The following DNAJC13 variants were observed in gnomAD, a reference collection of about 807,000 sequenced individuals.
The protein encoded by DNAJC13 is DnaJ heat shock protein family (Hsp40) member C13, also known as dnaJ homolog subfamily C member 13.
In DNAJC13, 75 loss-of-function variants were observed where a neutral mutation model predicts 290.5. The observed-to-expected ratio is 0.26, with a 90% CI of 0.21 to 0.31. The LOEUF (loss-of-function observed/expected upper bound fraction) is 0.31. Among genes scored for constraint, DNAJC13 ranks in the 10% least tolerant of loss-of-function variants. The pLI is 1.00. For synonymous variants in DNAJC13, 862 were observed against 892.0 expected (o/e 0.97, Z 0.60); for missense variants, 2,260 against 2,674.5 (o/e 0.85, Z 3.42).
chr3:132,538,971 ATCAT>A lies in DNAJC13; in HGVS notation c.*694_*697del, dbSNP rs1438312616. 4 of 152,784 alleles carry A rather than the reference ATCAT, an allele frequency of 2.6e-5. No individual in the cohort carries two copies. The highest frequency in any genetic ancestry group is 4.8e-5 in the African/African-American group (2 of 41,596). The allele number at this position is 152,784 out of a possible 1,614,324, so 9.5% of individuals were successfully genotyped here. ...TCTATATTGAATGTACATTATACAG[ATCAT>A]TCATATGTGTACATAAAATTTTAAA... On this transcript the variant is annotated 3_prime_UTR_variant, in exon 56 of 56. Transcript: ENST00000260818.
intron 1 of DNAJC13, among the ~76,000 whole-genome samples, chr3:132,430,849 G>A (rs747710659): frequency 3.3e-5 from 5 of 152,284 alleles, no homozygotes; most frequent in Non-Finnish European, 2.9e-5. Context: ...TCTTAGTTGG[G>A]TGCTTTGGTC....
At chr3:132,512,108 G>A (rs78677447) in intron 44 of DNAJC13, among the ~76,000 whole-genome samples, 1,688 of 152,218 alleles carry the variant, frequency 0.011, 31 homozygotes, top group Admixed American at 0.037. Context: ...TCAAAGTGTC[G>A]AATATTACTA....
chr3:132,463,852 T>C, intron 17 of DNAJC13, 35 bp downstream of exon 17: 1 of 1,595,362 alleles, frequency 6.3e-7, no homozygotes. Flanking sequence ...GCAATTTAAC[T>C]TCCTGTCTAG....
At chr3:132,483,645 T>C in intron 28 of DNAJC13, 68 bp downstream of exon 28, 1 of 1,492,872 alleles carries the variant, frequency 6.7e-7, no homozygotes, top group Non-Finnish European at 9.3e-7. Context: ...AGAATCGGTC[T>C]GGTGTTTTAA....
intron 41 of DNAJC13, 90 bp from the exon 42 acceptor site, chr3:132,505,212 G>A: frequency 1.3e-6 from 1 of 748,930 alleles, no homozygotes; most frequent in Non-Finnish European, 2.3e-6. Flanking sequence ...AACTATTATA[G>A]TGTTTGGCCT....
chr3:132,522,533 T>A (rs1936122016), intron 48 of DNAJC13, among the ~76,000 whole-genome samples: 1 of 152,144 alleles, frequency 6.6e-6, no homozygotes, highest in Non-Finnish European at 1.5e-5. Context: ...AACTTTACCA[T>A]ACTAGTGATA....
intron 20 of DNAJC13, 127 bp from the exon 21 acceptor site, chr3:132,473,018 G>C (rs370792752): frequency 6.2e-6 from 4 of 641,222 alleles, no homozygotes; most frequent in East Asian, 6.0e-5. Flanking sequence ...TATTTATTCC[G>C]TTAATTTTTG....
At chr3:132,431,674 A>G (rs911508005) in intron 1 of DNAJC13, among the ~76,000 whole-genome samples, 1 of 152,228 alleles carries the variant, frequency 6.6e-6, no homozygotes, top group Non-Finnish European at 1.5e-5. Flanking sequence ...ATGTTCACAC[A>G]AAAACTCATA....
At chr3:132,477,173 A>C (rs1226695802) in intron 22 of DNAJC13, among the ~76,000 whole-genome samples, 1 of 152,228 alleles carries the variant, frequency 6.6e-6, no homozygotes, top group Non-Finnish European at 1.5e-5. Flanking sequence ...ATTTTTAGAA[A>C]TCTATTATTT....
At chr3:132,479,142 C>A (rs1174640408) in intron 24 of DNAJC13, 85 bp from the exon 25 acceptor site, 3 of 719,814 alleles carry the variant, frequency 4.2e-6, no homozygotes, top group Admixed American at 4.8e-5. Flanking sequence ...TTCTTATGGG[C>A]TGTTGGTTTA....
chr3:132,529,811 TAAAG>T (rs970439357), intron 54 of DNAJC13, among the ~76,000 whole-genome samples: 8 of 151,512 alleles, frequency 5.3e-5, no homozygotes, highest in African/African-American at 1.9e-4. Flanking sequence ...AAAGAGATAT[TAAAG>T]AAGAGAGGCA....
chr3:132,514,921 T>TACGGTGACCACC, intron 46 of DNAJC13: 1 of 194,554 alleles, frequency 5.1e-6, no homozygotes, highest in Non-Finnish European at 9.2e-6. Context: ...TTCAGTTTGT[T>TACGGTGACCACC]GAGATCTACA....
At chr3:132,520,657 A>G (rs1235013279) in intron 48 of DNAJC13, among the ~76,000 whole-genome samples, 1 of 152,238 alleles carries the variant, frequency 6.6e-6, no homozygotes, top group African/African-American at 2.4e-5. Context: ...GTATCAGATG[A>G]CAGTAGGTTA....
intron 29 of DNAJC13, among the ~76,000 whole-genome samples, chr3:132,484,884 C>G (rs977783363): frequency 2.6e-5 from 4 of 151,778 alleles, no homozygotes; most frequent in African/African-American, 9.7e-5. Context: ...CTTTGGTCAA[C>G]ATAGGAAGAC....
intron 27 of DNAJC13, 125 bp downstream of exon 27, chr3:132,482,455 C>A: frequency 1.6e-6 from 1 of 618,388 alleles, no homozygotes; most frequent in Non-Finnish European, 2.7e-6. Context: ...GCTCCAAGGG[C>A]CCTGCAACTC....
chr3:132,509,414 G>C (rs1001400310), intron 43 of DNAJC13, among the ~76,000 whole-genome samples: 1 of 152,236 alleles, frequency 6.6e-6, no homozygotes, highest in African/African-American at 2.4e-5. Flanking sequence ...GTTGCTTCTT[G>C]TGGATAAGCA....
intron 54 of DNAJC13, among the ~76,000 whole-genome samples, chr3:132,528,770 T>A (rs1186765738): frequency 6.6e-6 from 1 of 152,192 alleles, no homozygotes; most frequent in African/African-American, 2.4e-5. Context: ...GTGTTGGTTT[T>A]TTTTTTTCTT....
chr3:132,506,342 G>A (rs1190860781), intron 42 of DNAJC13, among the ~76,000 whole-genome samples: 3 of 151,390 alleles, frequency 2.0e-5, no homozygotes, highest in South Asian at 2.1e-4. Context: ...CTGAGTCACC[G>A]CGCCCGGCCT....
At chr3:132,454,794 T>TA (rs922825100) in intron 9 of DNAJC13, among the ~76,000 whole-genome samples, 30 of 118,780 alleles carry the variant, frequency 2.5e-4, no homozygotes, top group African/African-American at 2.1e-4. Context: ...AAGAACACCT[T>TA]AAAAAAAAAA....
Sources: gnomAD v4.1 joint callset for allele counts (sites outside exome capture counted in the v4.1 genomes callset) on GRCh38, gnomAD v4.1.1 for gene constraint, MANE v1.5 for transcripts, NCBI Gene and HGNC (gene_info 2026-07-23, HGNC 2026-07-21) for gene names.